The following FMNL3 variants were observed in gnomAD, a reference collection of about 807,000 sequenced individuals.
FMNL3 encodes formin-like protein 3.
FMNL3 carries 57 observed loss-of-function variants against 119.6 expected under a neutral mutation model. The observed-to-expected ratio is 0.48, with a 90% CI of 0.39 to 0.59. FMNL3 has a LOEUF of 0.59. FMNL3 is among the 20% of genes least tolerant of loss of function. The probability of loss-of-function intolerance (pLI) is 0.00; values close to 1 mark genes in which losing one functional copy is unlikely to be tolerated. For missense variants in FMNL3, 1,053 were observed against 1,323.5 expected (o/e 0.80, Z 3.17); for synonymous variants, 491 against 507.3 (o/e 0.97, Z 0.43).
At position 49,675,681 on chromosome 12, in the gene FMNL3, T is replaced by C. The variant is rs77135170; in HGVS notation, c.127-7127A>G. On this transcript the variant is annotated intron_variant, in intron 1 of 25. Transcript: ENST00000335154. ...CTCTGGGATAAGCTTCTAGCTGGCA[T>C]CCCTACTTCCAATACTTTCCTCCCT... Among the ~76,000 whole-genome samples, 1,105 of 152,302 alleles carry C rather than the reference T, an allele frequency of 7.3e-3. 12 individuals are homozygous for C. Among genetic ancestry groups the C allele is most frequent in the African/African-American group, 0.025 (1,023 of 41,556 alleles).
intron 4 of FMNL3, among the ~76,000 whole-genome samples, chr12:49,664,565 C>A (rs1197320610): frequency 6.6e-6 from 1 of 152,138 alleles, no homozygotes; most frequent in Non-Finnish European, 1.5e-5. Flanking sequence ...GCAGCCCCTG[C>A]CACTTTGTCC....
At chr12:49,698,837 C>A (rs1398859690) in intron 1 of FMNL3, among the ~76,000 whole-genome samples, 1 of 152,184 alleles carries the variant, frequency 6.6e-6, no homozygotes, top group African/African-American at 2.4e-5. Context: ...AAATGGAATG[C>A]AGGAATTCTA....
chr12:49,702,773 G>A (rs2139065796), intron 1 of FMNL3, among the ~76,000 whole-genome samples: 1 of 152,262 alleles, frequency 6.6e-6, no homozygotes, highest in South Asian at 2.1e-4. Flanking sequence ...CAGCTGCTGT[G>A]AAAGGCCCTT....
At chr12:49,658,006 A>AG (rs1319602952) in intron 6 of FMNL3, among the ~76,000 whole-genome samples, 2 of 152,178 alleles carry the variant, frequency 1.3e-5, no homozygotes, top group African/African-American at 4.8e-5. Flanking sequence ...AGGGGCAGCC[A>AG]GGTTGGGTGG....
rs2138582731 is a variant in FMNL3 at position 49,639,008 on chromosome 12, G to C, written c.*6807C>G. 1 of 152,228 alleles carries C rather than the reference G, an allele frequency of 6.6e-6. No homozygotes were observed. Among genetic ancestry groups the C allele is most frequent in the South Asian group, 2.1e-4 (1 of 4,824 alleles). 9.4% of individuals were successfully genotyped at this position (152,228 alleles called of 1,614,324 possible). On this transcript the variant is annotated 3_prime_UTR_variant, in exon 26 of 26. Transcript: ENST00000335154. ...TAATATTTTAAATTACTTACCATTAGGTAAGATGTATCATACTGTCCTGAG... is the reference window on the plus strand; with the variant it reads ...TAATATTTTAAATTACTTACCATTACGTAAGATGTATCATACTGTCCTGAG...
rs1403565497 is a variant in FMNL3, at chr12:49,707,150, G to A, written c.31C>T (p.Pro11Ser). MGNLESAEGV[P>S]GEPPSVPLLL... The stretch of plus-strand genomic sequence containing the variant: ...AACGGGACAGAGGGGGGCTCTCCCG[G>A]GACCCCCTCGGCGCTCTCCAGGTTG... The change falls in exon 1 of 26, where the codon CCG becomes TCG. Residue 11 changes from proline (P) to serine (S), a missense_variant. Pro to Ser is a moderately conservative substitution (Grantham distance 74). Around this residue, in one of 4 missense-constraint regions of FMNL3, gnomAD observed 264 missense variants for 265.5 expected, o/e 0.99. Coordinates refer to ENST00000335154, the MANE Select transcript of FMNL3 (RefSeq NM_175736.5). The A allele has an allele frequency of 3.8e-6, 6 of 1,590,176 alleles. No homozygotes were observed. The highest frequency in any genetic ancestry group is 3.4e-6 in the Non-Finnish European group (4 of 1,169,746).
In FMNL3 at chr12:49,637,033, G is replaced by T. The variant is rs1849810323; in HGVS notation, c.*8782C>A. 3 of 898,000 alleles carry T rather than the reference G, an allele frequency of 3.3e-6. No individual in the cohort carries two copies. Among genetic ancestry groups the T allele is most frequent in the Non-Finnish European group, 5.0e-6 (3 of 598,532 alleles). 55.6% of individuals were successfully genotyped at this position (898,000 alleles called of 1,614,324 possible). A position where few individuals can be genotyped will look rare whatever the true frequency, so the allele number is the denominator to read the frequency against. ...CTGTACCTCCTCAATTCTGGACTGT[G>T]CTCTTCTAGGGAGACTAGATGTATG... On this transcript the variant is annotated 3_prime_UTR_variant, in exon 26 of 26. Transcript: ENST00000335154.
Position 49,651,951 on chromosome 12 carries a change from G to A in FMNL3, c.1585C>T (p.Pro529Ser). Reference protein sequence around the residue: ...PPPPAPPLPPPPPPLPDKCPP... With the variant: ...PPPPAPPLPPSPPPLPDKCPP... The stretch of plus-strand genomic sequence containing the variant: ...TGGTTACCTGGTAATGGGGGAGGTG[G>A]AGGGGGCAAGGGCGGAGCTGGTGGT... Residue 529 changes from proline (P) to serine (S), a missense_variant, in exon 14 of 26, where the codon CCA becomes TCA. Coordinates refer to ENST00000335154, the MANE Select transcript of FMNL3 (RefSeq NM_175736.5). 2 of 1,595,396 alleles carry A rather than the reference G, an allele frequency of 1.3e-6. No homozygotes were observed. The highest frequency in any genetic ancestry group is 8.6e-7 in the Non-Finnish European group (1 of 1,168,610).
At position 49,644,104 on chromosome 12, in the gene FMNL3, G is replaced by T; in HGVS notation, c.*1711C>A. ...ACTGTGCCTTTGCTCCAACAGACAG[G>T]CTGGGACACGTCAGAAAGTGAGCTG... On this transcript the variant is annotated 3_prime_UTR_variant, in exon 26 of 26. Transcript: ENST00000335154. 1 of 1,614,196 alleles carries T rather than the reference G, an allele frequency of 6.2e-7. No homozygotes were observed. The highest frequency in any genetic ancestry group is 8.5e-7 in the Non-Finnish European group (1 of 1,180,048).
At chr12:49,653,981 A>G in intron 11 of FMNL3, 107 bp from the exon 12 acceptor site, 1 of 1,441,134 alleles carries the variant, frequency 6.9e-7, no homozygotes, top group Non-Finnish European at 9.3e-7. Flanking sequence ...CACTTCCCAA[A>G]GAGTTCCTGC....
At chr12:49,698,720 C>T (rs1446862747) in intron 1 of FMNL3, among the ~76,000 whole-genome samples, 3 of 152,156 alleles carry the variant, frequency 2.0e-5, no homozygotes, top group Admixed American at 1.3e-4. Context: ...ACAGAGGGAG[C>T]TTGACATTTC....
rs908087325 is a variant in FMNL3 at position 49,638,194 on chromosome 12, G to A, written c.*7621C>T. ...GTGGAAAGGGCATGCCAGGTCTGAG[G>A]AGGAAGAAGCATAGCTAATTGTAAA... On this transcript the variant is annotated 3_prime_UTR_variant, in exon 26 of 26. Transcript: ENST00000335154. 2 of 196,868 alleles carry A rather than the reference G, an allele frequency of 1.0e-5. No individual in the cohort carries two copies. The highest frequency in any genetic ancestry group is 1.1e-4 in the South Asian group (1 of 8,714). The allele number at this position is 196,868 out of a possible 1,614,324, so 12.2% of individuals were successfully genotyped here. A position where few individuals can be genotyped will look rare whatever the true frequency, so the allele number is the denominator to read the frequency against.
chr12:49,665,945 GGCA>G, intron 3 of FMNL3, 37 bp from the exon 4 acceptor site: 1 of 1,606,726 alleles, frequency 6.2e-7, no homozygotes, highest in Non-Finnish European at 8.5e-7. Context: ...AATACAAGAG[GGCA>G]GTTATAGACT....
chr12:49,690,644 C>A (rs796351915), intron 1 of FMNL3, among the ~76,000 whole-genome samples: 26 of 152,300 alleles, frequency 1.7e-4, no homozygotes, highest in African/African-American at 6.3e-4. Context: ...GACTCTAAAG[C>A]CCAAATCTTT....
In FMNL3 at chr12:49,636,782, A is replaced by G. The variant is rs761025843; in HGVS notation, c.*9033T>C. The G allele has an allele frequency of 6.2e-7, 1 of 1,614,220 alleles. No homozygotes were observed. Among genetic ancestry groups the G allele is most frequent in the Non-Finnish European group, 8.5e-7 (1 of 1,180,030 alleles). On this transcript the variant is annotated 3_prime_UTR_variant, in exon 26 of 26. Coordinates refer to ENST00000335154, the MANE Select transcript of FMNL3 (RefSeq NM_175736.5). ...ATCCGAGCTTTGGAGAGGGAAGAGG[A>G]GGAGGAACGGGAGCGGGCCCGGCTT...
At position 49,647,679 on chromosome 12, in the gene FMNL3, CT is replaced by C. The variant is rs1381295011; in HGVS notation, c.2778+23del. The C allele has an allele frequency of 4.7e-5, 75 of 1,607,314 alleles. No homozygotes were observed. Among genetic ancestry groups the C allele is most frequent in the Non-Finnish European group, 6.1e-5 (72 of 1,174,238 alleles). Reference sequence around the variant, plus strand: ...AGCCAGTTTTCTCGCAACCAAACTTCTTAAAAAGCTCTCTGCAGCTTACCTT... The same window carrying C: ...AGCCAGTTTTCTCGCAACCAAACTTCTAAAAAGCTCTCTGCAGCTTACCTT... On this transcript the variant is annotated intron_variant, in intron 23 of 25. Coordinates refer to ENST00000335154, the MANE Select transcript of FMNL3 (RefSeq NM_175736.5). This position sits in a 1 kb window ranked among gnomAD's most constrained non-coding sequence, Gnocchi z 4.9.
chr12:49,699,386 A>C (rs1944841951), intron 1 of FMNL3, among the ~76,000 whole-genome samples: 1 of 152,096 alleles, frequency 6.6e-6, no homozygotes, highest in Non-Finnish European at 1.5e-5. Flanking sequence ...CACTTCACTG[A>C]AGATTAGTTA....
Position 49,643,000 on chromosome 12 carries a change from G to T in FMNL3, c.*2815C>A, listed in dbSNP as rs751840640. The T allele has an allele frequency of 1.5e-5, 25 of 1,613,626 alleles. No individual in the cohort carries two copies. Among genetic ancestry groups the T allele is most frequent in the Non-Finnish European group, 2.1e-5 (25 of 1,179,826 alleles). On this transcript the variant is annotated 3_prime_UTR_variant, in exon 26 of 26. Transcript: ENST00000335154. The surrounding 1 kb of genome is among the most constrained non-coding windows in gnomAD (Gnocchi z 5.8). ...AAAGGCAAGAAGCACCATCACAAGC[G>T]TTCCCACTCACCCTCAGTGAGTAAG... is the stretch of plus-strand genomic sequence containing the variant.
intron 1 of FMNL3, among the ~76,000 whole-genome samples, chr12:49,696,364 T>C (rs1944750299): frequency 6.6e-6 from 1 of 151,220 alleles, no homozygotes; most frequent in Non-Finnish European, 1.5e-5. Flanking sequence ...ATGGAACCCA[T>C]GTGTATGAAA....
Sources: allele counts gnomAD v4.1 joint callset (sites outside exome capture counted in the v4.1 genomes callset), GRCh38; gene constraint gnomAD v4.1.1; regional missense constraint gnomAD v4.1.1; non-coding constraint Gnocchi (gnomAD v3.1); transcripts MANE v1.5; gene names NCBI Gene and HGNC (gene_info 2026-07-23, HGNC 2026-07-21).